The following ESRP1 variants were observed in gnomAD, a reference collection of about 807,000 sequenced individuals.
The protein encoded by ESRP1 is epithelial splicing regulatory protein 1.
Under a neutral mutation model 81.7 loss-of-function variants are expected in ESRP1, and 33 were observed. That is an observed-to-expected ratio of 0.40 (90% CI 0.31 to 0.54). ESRP1 has a LOEUF of 0.54. Ranked by LOEUF, ESRP1 falls within the 20% of genes least tolerant of loss-of-function variation. ESRP1 has a pLI of 0.41. For synonymous variants in ESRP1, 320 were observed against 303.3 expected (o/e 1.06, Z -0.57); for missense variants, 672 against 833.1 (o/e 0.81, Z 2.38).
At chr8:94,678,959 G>A (rs1246639019) in intron 13 of ESRP1, among the ~76,000 whole-genome samples, 1 of 152,170 alleles carries the variant, frequency 6.6e-6, no homozygotes, top group Non-Finnish European at 1.5e-5. Context: ...TTGTCAGTCT[G>A]GGAGTTGGGA....
At chr8:94,653,167 T>C (rs954235427) in intron 4 of ESRP1, among the ~76,000 whole-genome samples, 1 of 152,102 alleles carries the variant, frequency 6.6e-6, no homozygotes, top group African/African-American at 2.4e-5. Context: ...AAACTGCTCA[T>C]GCCTACCCAT....
intron 4 of ESRP1, among the ~76,000 whole-genome samples, chr8:94,653,291 C>G (rs1354133619): frequency 6.6e-6 from 1 of 152,122 alleles, no homozygotes; most frequent in East Asian, 1.9e-4. Context: ...GCCTGTTTTT[C>G]CTGTAGGTTA....
chr8:94,674,484 C>T lies in ESRP1; in HGVS notation c.1629C>T (p.Ser543=). 6.2e-7 allele frequency: 1 copy of T among 1,613,500 alleles called. No individual in the cohort carries two copies. Among genetic ancestry groups the T allele is most frequent in the South Asian group, 1.1e-5 (1 of 91,034 alleles). The part of the protein sequence containing the change: ...MGGTLNRNGL[S]PPPCKLPCLS... ...GCACTTTAAATCGAAATGGCTTATC[C>T]CCACCGCCATGTAAGTTACCATGTA... The change falls in exon 12 of 16, where the codon TCC becomes TCT. Residue 543 remains serine, a synonymous_variant. Transcript: ENST00000433389.
In ESRP1 at chr8:94,648,524, A is replaced by G. The variant is rs374121594; in HGVS notation, c.490+2242A>G. Among the ~76,000 whole-genome samples, 15 of 152,240 alleles carry G rather than the reference A, an allele frequency of 9.9e-5. No homozygotes were observed. The East Asian group carries it at 1.9e-3, about 20-fold the overall frequency. On this transcript the variant is annotated intron_variant, in intron 4 of 15. Coordinates refer to ENST00000433389, the MANE Select transcript of ESRP1 (RefSeq NM_017697.4). ...CTCATCTATGCAAAGTATTTCTACA[A>G]TGTCTGAATTGAATTGTTCCGTTCT...
At chr8:94,660,446 T>A (rs1818662893) in intron 4 of ESRP1, among the ~76,000 whole-genome samples, 1 of 150,486 alleles carries the variant, frequency 6.6e-6, no homozygotes, top group Non-Finnish European at 1.5e-5. Context: ...TACTAAAAAA[T>A]ACAAAAATGA....
Position 94,674,448 on chromosome 8 carries a change from G to C in ESRP1, c.1593G>C (p.Val531=). ...GTTCAGCTGAGGAGATGAACTTTGT[G>C]TTAATGGGGGGCACTTTAAATCGAA... ...FQCSAEEMNF[V]LMGGTLNRNG... is the part of the protein sequence containing the mutation. The change falls in exon 12 of 16, where the codon GTG becomes GTC. Residue 531 remains valine, a synonymous_variant. Coordinates refer to ENST00000433389, the MANE Select transcript of ESRP1 (RefSeq NM_017697.4). 1 of 1,613,924 alleles carries C rather than the reference G, an allele frequency of 6.2e-7. No homozygotes were observed. Among genetic ancestry groups the C allele is most frequent in the South Asian group, 1.1e-5 (1 of 91,072 alleles).
In ESRP1 at chr8:94,674,471, G is replaced by A. The variant is rs757908275; in HGVS notation, c.1616G>A (p.Arg539Gln). ...GTGTTAATGGGGGGCACTTTAAATC[G>A]AAATGGCTTATCCCCACCGCCATGT... is the stretch of plus-strand genomic sequence containing the variant. Reference protein sequence around the residue: ...NFVLMGGTLNRNGLSPPPCKL... With the variant: ...NFVLMGGTLNQNGLSPPPCKL... Residue 539 changes from arginine to glutamine, a missense_variant, in exon 12 of 16, where the codon CGA (arginine) becomes CAA (glutamine). Arg to Gln is a conservative substitution (Grantham distance 43). Coordinates refer to ENST00000433389, the MANE Select transcript of ESRP1 (RefSeq NM_017697.4). 6.5e-5 allele frequency: 105 copies of A among 1,613,680 alleles called. 1 individual carries two copies. Among genetic ancestry groups the A allele is most frequent in the African/African-American group, 8.0e-5 (6 of 74,866 alleles).
intron 4 of ESRP1, chr8:94,646,502 G>T (rs1408506419): frequency 5.0e-6 from 2 of 402,462 alleles, no homozygotes; most frequent in Non-Finnish European, 8.9e-6. Context: ...TGGATTTTTT[G>T]GTGGGGTGAT....
At chr8:94,702,527 T>C (rs917055194) in intron 15 of ESRP1, among the ~76,000 whole-genome samples, 12 of 152,216 alleles carry the variant, frequency 7.9e-5, no homozygotes, top group Admixed American at 3.9e-4. Context: ...AACAAACTTT[T>C]TATAAGATCT....
intron 4 of ESRP1, among the ~76,000 whole-genome samples, chr8:94,654,069 A>G (rs901302031): frequency 2.6e-5 from 4 of 152,246 alleles, no homozygotes; most frequent in Non-Finnish European, 4.4e-5. Flanking sequence ...CTGTAATCCC[A>G]GCACTTTGGG....
intron 6 of ESRP1, among the ~76,000 whole-genome samples, chr8:94,664,312 C>T (rs571812178): frequency 3.9e-5 from 6 of 151,928 alleles, no homozygotes; most frequent in Admixed American, 2.0e-4. Flanking sequence ...TTAGTAGAGA[C>T]GGGGTTTTAC....
intron 15 of ESRP1, among the ~76,000 whole-genome samples, chr8:94,700,854 G>A (rs552650240): frequency 5.9e-5 from 9 of 151,928 alleles, no homozygotes; most frequent in African/African-American, 1.5e-4. Flanking sequence ...GCATGAACCC[G>A]GAAGGCAGAG....
rs766873540 is a variant in ESRP1 at position 94,662,567 on chromosome 8, A to G, written c.644+12A>G. ...GAAAGTGGAACTTGGTAAGTGCTTG[A>G]GTACTATTTATTTGAGCTTTTTAAC... On this transcript the variant is annotated intron_variant, in intron 6 of 15. Transcript: ENST00000433389. 5 of 1,572,808 alleles carry G rather than the reference A, an allele frequency of 3.2e-6. No homozygotes were observed. The highest frequency in any genetic ancestry group is 4.3e-6 in the Non-Finnish European group (5 of 1,155,934).
chr8:94,705,857 G>A (rs922052192), intron 15 of ESRP1, 68 bp from the exon 16 acceptor site: 1 of 1,334,100 alleles, frequency 7.5e-7, no homozygotes, highest in East Asian at 2.5e-5. Flanking sequence ...CATTTTTGTG[G>A]CTGCTGAGAA....
At chr8:94,643,546 C>G (rs1221755387) in intron 3 of ESRP1, 130 bp downstream of exon 3, 3 of 572,892 alleles carry the variant, frequency 5.2e-6, no homozygotes, top group Non-Finnish European at 9.3e-6. Context: ...TTAATGAGTA[C>G]AGAATTTCAG....
At position 94,705,918 on chromosome 8, in the gene ESRP1, T is replaced by C. The variant is rs1286054159; in HGVS notation, c.*36-7T>C. The C allele has an allele frequency of 6.0e-5, 89 of 1,476,712 alleles. No individual in the cohort carries two copies. The highest frequency in any genetic ancestry group is 8.0e-5 in the Non-Finnish European group (88 of 1,103,558). 91.5% of individuals were successfully genotyped at this position (1,476,712 alleles called of 1,614,324 possible). A position where few individuals can be genotyped will look rare whatever the true frequency, so the allele number is the denominator to read the frequency against. ...CTTTTATTCACTTTTTTTTTTTTTT[T>C]TTTCAGTGTTTGAAAGATGTATGGT... On this transcript the variant is annotated splice_polypyrimidine_tract_variant and splice_region_variant and intron_variant, in intron 15 of 15. Transcript: ENST00000433389.
At chr8:94,668,613 G>A (rs1488076132) in intron 10 of ESRP1, among the ~76,000 whole-genome samples, 1 of 152,112 alleles carries the variant, frequency 6.6e-6, no homozygotes, top group African/African-American at 2.4e-5. Context: ...TTTTCTACCA[G>A]AAGAAATTTC....
At chr8:94,672,855 A>G (rs1384949988) in intron 11 of ESRP1, among the ~76,000 whole-genome samples, 2 of 152,240 alleles carry the variant, frequency 1.3e-5, no homozygotes, top group Non-Finnish European at 2.9e-5. Context: ...TTAAATGCAA[A>G]GCTGTATTAA....
At chr8:94,672,686 C>T (rs536436026) in intron 11 of ESRP1, among the ~76,000 whole-genome samples, 1 of 152,278 alleles carries the variant, frequency 6.6e-6, no homozygotes, top group South Asian at 2.1e-4. Flanking sequence ...GTGCCCACCA[C>T]CATTCCCGGC....
Sources: gnomAD v4.1 joint callset for allele counts (sites outside exome capture counted in the v4.1 genomes callset) on GRCh38, gnomAD v4.1.1 for gene constraint, MANE v1.5 for transcripts, NCBI Gene and HGNC (gene_info 2026-07-23, HGNC 2026-07-21) for gene names.